The following SDR42E2 variants were observed in gnomAD, a reference collection of about 807,000 sequenced individuals.
SDR42E2 encodes putative short-chain dehydrogenase/reductase family 42E member 2.
In SDR42E2, 20 loss-of-function variants were observed where a neutral mutation model predicts 10.5. The observed-to-expected ratio is 1.90, with a 90% CI of 1.34 to 2.77. The LOEUF (loss-of-function observed/expected upper bound fraction) is 2.77, where lower values mean the gene tolerates loss of function less well. Ranked by LOEUF, SDR42E2 falls within the 30% of genes most tolerant of loss-of-function variation. SDR42E2 has a pLI of 0.00. For synonymous variants in SDR42E2, 72 were observed against 39.2 expected, an observed-to-expected ratio of 1.84 and a Z score of -3.12; for missense variants, 162 against 104.2, an observed-to-expected ratio of 1.55 and a Z score of -2.42.
intron 5 of SDR42E2, among the ~76,000 whole-genome samples, chr16:22,170,210 G>C (rs186180363): frequency 9.4e-4 from 141 of 149,610 alleles, no homozygotes; most frequent in Admixed American, 4.6e-3. Context: ...CAAAATTAGC[G>C]GGGCGTGGTG....
chr16:22,167,170 T>TGG (rs1184619247), intron 4 of SDR42E2, among the ~76,000 whole-genome samples, 171 bp downstream of exon 4: 1 of 84,998 alleles, frequency 1.2e-5, no homozygotes, highest in African/African-American at 4.7e-5. Context: ...CTGCCATTTT[T>TGG]TTTTTTTTTT....
At chr16:22,190,035 G>A (rs1164074594) in intron 12 of SDR42E2, 104 bp from the exon 13 acceptor site, 3 of 399,974 alleles carry the variant, frequency 7.5e-6, no homozygotes, top group Non-Finnish European at 1.3e-5. Flanking sequence ...CTATGTAATG[G>A]AGGGGAAATC....
At position 22,179,269 on chromosome 16, in the gene SDR42E2, G is replaced by A. The variant is rs183832988; in HGVS notation, c.672+1057G>A. Among the ~76,000 whole-genome samples the A allele has an allele frequency of 3.2e-4, 48 of 152,222 alleles. No homozygotes were observed. In the East Asian group the frequency reaches 7.1e-3, roughly 23 times the overall value. On this transcript the variant is annotated intron_variant, in intron 8 of 12. Transcript: ENST00000602312. The stretch of plus-strand genomic sequence containing the variant: ...CTCCCAAGTTGCTGGGATGACAGGC[G>A]TGAACTACTGGACCCAGCAATCATT...
chr16:22,187,825 C>T lies in SDR42E2; in HGVS notation c.1014+1031C>T, dbSNP rs941201090. On this transcript the variant is annotated intron_variant, in intron 12 of 12. Transcript: ENST00000602312. ...AAAATCCTTCCAGTCCAGTCGGGCACGGTGGCTCACACTTGTTCCCAGCAC... is the reference window on the plus strand; with the variant it reads ...AAAATCCTTCCAGTCCAGTCGGGCATGGTGGCTCACACTTGTTCCCAGCAC... Among the ~76,000 whole-genome samples, 11 of 152,022 alleles carry T rather than the reference C, an allele frequency of 7.2e-5. No homozygotes were observed. In the South Asian group the frequency reaches 1.9e-3, roughly 26 times the overall value.
At chr16:22,176,972 C>T (rs1461957265) in intron 7 of SDR42E2, among the ~76,000 whole-genome samples, 2 of 152,200 alleles carry the variant, frequency 1.3e-5, no homozygotes, top group East Asian at 3.8e-4. Flanking sequence ...CAGCTGCTGC[C>T]ACTTCCAAAG....
chr16:22,170,658 G>T (rs2046590429), intron 5 of SDR42E2, among the ~76,000 whole-genome samples, 175 bp from the exon 6 acceptor site: 1 of 152,124 alleles, frequency 6.6e-6, no homozygotes, highest in Non-Finnish European at 1.5e-5. Flanking sequence ...CTTCCCTCCT[G>T]AACAGCTGTA....
intron 4 of SDR42E2, among the ~76,000 whole-genome samples, chr16:22,168,393 G>A (rs1598130030): frequency 6.6e-6 from 1 of 151,936 alleles, no homozygotes; most frequent in Non-Finnish European, 1.5e-5. Context: ...AGACTCCTGA[G>A]TAGCTAAGAT....
chr16:22,186,013 T>A, intron 11 of SDR42E2, among the ~76,000 whole-genome samples: 1 of 152,078 alleles, frequency 6.6e-6, no homozygotes, highest in Non-Finnish European at 1.5e-5. Flanking sequence ...TATGCTGGGA[T>A]TACAGGCATG....
At chr16:22,166,701 G>A (rs144515157) in intron 3 of SDR42E2, among the ~76,000 whole-genome samples, 40 of 152,256 alleles carry the variant, frequency 2.6e-4, no homozygotes, top group Non-Finnish European at 4.0e-4. Context: ...CCTACAGAGC[G>A]TGATGAATGA....
intron 6 of SDR42E2, 71 bp downstream of exon 6, chr16:22,171,022 G>A (rs1467398593): frequency 4.3e-6 from 3 of 698,492 alleles, no homozygotes; most frequent in Non-Finnish European, 7.9e-6. Flanking sequence ...GGAGGGATGG[G>A]TGGAAGCAGG....
Position 22,190,413 on chromosome 16 carries a change from C to A in SDR42E2, c.*20C>A. On this transcript the variant is annotated 3_prime_UTR_variant, in exon 13 of 13. Coordinates refer to ENST00000602312, the MANE Select transcript of SDR42E2 (RefSeq NM_001394319.2). ...CTGTGACCGTCCGCCGTCCGCCGCC[C>A]GCTAGGGTCGGCCCCGCTGCACCCT... The A allele has an allele frequency of 2.5e-6, 1 of 401,544 alleles. No individual in the cohort carries two copies. The highest frequency in any genetic ancestry group is 1.1e-4 in the South Asian group (1 of 8,966). The allele number at this position is 401,544 out of a possible 1,614,324, so 24.9% of individuals were successfully genotyped here. A position where few individuals can be genotyped will look rare whatever the true frequency, so the allele number is the denominator to read the frequency against.
chr16:22,163,148 G>T (rs1244218828), intron 1 of SDR42E2, among the ~76,000 whole-genome samples: 1 of 152,192 alleles, frequency 6.6e-6, no homozygotes, highest in Non-Finnish European at 1.5e-5. Context: ...ATTCGCGGTT[G>T]TGGGTACTAA....
At position 22,165,635 on chromosome 16, in the gene SDR42E2, A is replaced by G; in HGVS notation, c.53A>G (p.Gln18Arg). The change falls in exon 2 of 13, where the codon CAG becomes CGG. Residue 18 changes from glutamine (Q) to arginine (R), a missense_variant and splice_region_variant. Coordinates refer to ENST00000602312, the MANE Select transcript of SDR42E2 (RefSeq NM_001394319.2). ...CTAGAGGCCTGCAAAGCTGCAGGCC[A>G]GGGTGAGAAGAGCTGCCCTGTCTGC... ...SSLEACKAAGQAPQQKTQAKP... is the reference protein window; with the variant it reads ...SSLEACKAAGRAPQQKTQAKP... 5.0e-6 allele frequency: 2 copies of G among 401,594 alleles called. No individual in the cohort carries two copies. Among genetic ancestry groups the G allele is most frequent in the Non-Finnish European group, 8.8e-6 (2 of 226,534 alleles). The allele number at this position is 401,594 out of a possible 1,614,324, so 24.9% of individuals were successfully genotyped here. A position where few individuals can be genotyped will look rare whatever the true frequency, so the allele number is the denominator to read the frequency against.
intron 7 of SDR42E2, 62 bp from the exon 8 acceptor site, chr16:22,178,068 C>A: frequency 1.5e-6 from 1 of 682,564 alleles, no homozygotes; most frequent in South Asian, 1.5e-5. Context: ...GGTGGCCTCT[C>A]TCTCCCTCTC....
chr16:22,179,243 C>A lies in SDR42E2; in HGVS notation c.672+1031C>A, dbSNP rs144331059. On this transcript the variant is annotated intron_variant, in intron 8 of 12. Coordinates refer to ENST00000602312, the MANE Select transcript of SDR42E2 (RefSeq NM_001394319.2). ...GCCTCAACCAATCCTCCTGCCTCAA[C>A]CTCCCAAGTTGCTGGGATGACAGGC... Among the ~76,000 whole-genome samples the A allele has an allele frequency of 2.8e-3, 424 of 152,294 alleles. 1 individual carries two copies. The highest frequency in any genetic ancestry group is 6.1e-3 in the African/African-American group (252 of 41,560).
In SDR42E2 at chr16:22,173,905, GTATATA is replaced by G. The variant is rs770541596; in HGVS notation, c.589+1593_589+1598del. ...GGGCTACGTATATATATGTGTGTGT[GTATATA>G]TATATATATATATATATAGCTTTCT... On this transcript the variant is annotated intron_variant, in intron 7 of 12. Coordinates refer to ENST00000602312, the MANE Select transcript of SDR42E2 (RefSeq NM_001394319.2). Among the ~76,000 whole-genome samples the G allele has an allele frequency of 7.0e-5, 8 of 115,040 alleles. 1 individual carries two copies. The East Asian group carries it at 1.5e-3, about 21-fold the overall frequency. 75.5% of individuals were successfully genotyped at this position (115,040 alleles called of 152,430 possible). A position where few individuals can be genotyped will look rare whatever the true frequency, so the allele number is the denominator to read the frequency against.
intron 6 of SDR42E2, among the ~76,000 whole-genome samples, chr16:22,171,906 G>A (rs1390327154): frequency 2.6e-5 from 4 of 152,270 alleles, no homozygotes; most frequent in Middle Eastern, 3.4e-3. Flanking sequence ...TAAGATAACC[G>A]ATGTGAAAAT....
At chr16:22,174,331 T>TCAA (rs1338386701) in intron 7 of SDR42E2, among the ~76,000 whole-genome samples, 2 of 151,848 alleles carry the variant, frequency 1.3e-5, no homozygotes, top group African/African-American at 2.4e-5. Context: ...AGACTCCATC[T>TCAA]CAATAATAAT....
rs182396805 is a variant in SDR42E2, at chr16:22,172,292, G to A, written c.550G>A (p.Asp184Asn). The A allele has an allele frequency of 6.3e-5, 44 of 703,194 alleles. 1 individual carries two copies. The highest frequency in any genetic ancestry group is 2.7e-4 in the South Asian group (18 of 67,582). The allele number at this position is 703,194 out of a possible 1,614,324, so 43.6% of individuals were successfully genotyped here. A position where few individuals can be genotyped will look rare whatever the true frequency, so the allele number is the denominator to read the frequency against. ...CTACTCCCGAACCAAAGCCATCGCC[G>A]ACCAATTGACCCTCATGGCCAATGG... is the stretch of plus-strand genomic sequence containing the variant. ...DHYSRTKAIA[D>N]QLTLMANGMP... is the part of the protein sequence containing the mutation. The change falls in exon 7 of 13, where the codon GAC becomes AAC. Residue 184 changes from aspartate (D) to asparagine (N), a missense_variant. Asp to Asn is a conservative substitution (Grantham distance 23, BLOSUM62 1). Coordinates refer to ENST00000602312, the MANE Select transcript of SDR42E2 (RefSeq NM_001394319.2).
Sources: allele counts gnomAD v4.1 joint callset (sites outside exome capture counted in the v4.1 genomes callset), GRCh38; gene constraint gnomAD v4.1.1; transcripts MANE v1.5; gene names NCBI Gene and HGNC (gene_info 2026-07-23, HGNC 2026-07-21).